Variants in FAT4 observed in about 807,000 individuals in gnomAD.
FAT4 encodes protocadherin Fat 4.
Under a neutral mutation model 303.9 loss-of-function variants are expected in FAT4, and 84 were observed. That is an observed-to-expected ratio of 0.28 (90% confidence interval 0.23 to 0.33). The LOEUF (loss-of-function observed/expected upper bound fraction) is 0.33, where lower values mean the gene tolerates loss of function less well. Ranked by LOEUF, FAT4 falls within the 10% of genes least tolerant of loss-of-function variation. The probability of loss-of-function intolerance (pLI) is 1.00; values close to 1 mark genes in which losing one functional copy is unlikely to be tolerated. For missense variants in FAT4, 6,005 were observed against 6,146.8 expected (o/e 0.98, Z 0.77); for synonymous variants, 2,307 against 2,298.8 (o/e 1.00, Z -0.10).
intron 14 of FAT4, among the ~76,000 whole-genome samples, chr4:125,477,852 T>C (rs767975653): frequency 1.6e-4 from 25 of 152,156 alleles, no homozygotes; most frequent in Middle Eastern, 3.2e-3. Context: ...TTAGGGATGT[T>C]AGAAATTACA....
rs1208239759 is a variant in FAT4, at chr4:125,476,159, C to G, written c.12214-12C>G. On this transcript the variant is annotated splice_polypyrimidine_tract_variant and intron_variant, in intron 12 of 17. Transcript: ENST00000394329. Reference sequence around the variant, plus strand: ...AACTCAAAGTTGAATGTTTCTTTCTCTTGCTTCGTAGGCAGCCTCCTTAAC... The same window carrying G: ...AACTCAAAGTTGAATGTTTCTTTCTGTTGCTTCGTAGGCAGCCTCCTTAAC... The G allele has an allele frequency of 6.4e-7, 1 of 1,561,518 alleles. No homozygotes were observed. The highest frequency in any genetic ancestry group is 8.8e-7 in the Non-Finnish European group (1 of 1,139,260).
intron 5 of FAT4, among the ~76,000 whole-genome samples, chr4:125,413,471 G>T (rs1260445009): frequency 6.6e-6 from 1 of 151,790 alleles, no homozygotes; most frequent in Non-Finnish European, 1.5e-5. Flanking sequence ...CGCTTTCAAC[G>T]ATTTACTCAA....
intron 2 of FAT4, among the ~76,000 whole-genome samples, chr4:125,361,094 A>G (rs892565282): frequency 6.6e-6 from 1 of 151,664 alleles, no homozygotes; most frequent in Non-Finnish European, 1.5e-5. Flanking sequence ...TAGCTACTGT[A>G]TGGCTAAATA....
chr4:125,336,526 G>T (rs1205502195), intron 2 of FAT4, among the ~76,000 whole-genome samples: 1 of 151,936 alleles, frequency 6.6e-6, no homozygotes, highest in Non-Finnish European at 1.5e-5. Context: ...CCAGAAGTGA[G>T]ACTTCAGAAC....
At chr4:125,480,182 C>G (rs1206786752) in intron 15 of FAT4, among the ~76,000 whole-genome samples, 1 of 151,752 alleles carries the variant, frequency 6.6e-6, no homozygotes, top group African/African-American at 2.4e-5. Context: ...TATAGTTAGG[C>G]TTTTTTTCAT....
chr4:125,482,173 A>G (rs1251996157), intron 16 of FAT4, among the ~76,000 whole-genome samples: 1 of 152,232 alleles, frequency 6.6e-6, no homozygotes, highest in Non-Finnish European at 1.5e-5. Context: ...AAGGAAAAAC[A>G]TTTTGAAATA....
Position 125,491,220 on chromosome 4 carries a change from C to T in FAT4, c.14404C>T (p.Pro4802Ser), listed in dbSNP as rs1727627190. 1 of 1,614,054 alleles carries T rather than the reference C, an allele frequency of 6.2e-7. No individual in the cohort carries two copies. The highest frequency in any genetic ancestry group is 8.5e-7 in the Non-Finnish European group (1 of 1,180,016). Reference sequence around the variant, plus strand: ...AGTGGAGAGGCTCAACACACCTCGCCCTAGAAACCCAAGTATCTGCAGTGC... The same window carrying T: ...AGTGGAGAGGCTCAACACACCTCGCTCTAGAAACCCAAGTATCTGCAGTGC... Reference protein sequence around the residue: ...EEVERLNTPRPRNPSICSADH... With the variant: ...EEVERLNTPRSRNPSICSADH... Residue 4802 changes from proline (P) to serine (S), a missense_variant, in exon 18 of 18, where the codon CCT becomes TCT. Transcript: ENST00000394329.
Position 125,316,121 on chromosome 4 carries a change from A to T in FAT4, c.-13+144A>T, listed in dbSNP as rs1730572567. Among the ~76,000 whole-genome samples the T allele has an allele frequency of 6.6e-6, 1 of 152,206 alleles. No homozygotes were observed. Among genetic ancestry groups the T allele is most frequent in the Non-Finnish European group, 1.5e-5 (1 of 68,046 alleles). ...AAAAACAAAGTAAAAGGGGGCATAT[A>T]TAAGAGGCTTGAGAAACTTTTCTGG... On this transcript the variant is annotated intron_variant, in intron 1 of 17. Coordinates refer to ENST00000394329, the MANE Select transcript of FAT4 (RefSeq NM_001291303.3). This position sits in a 1 kb window ranked among gnomAD's most constrained non-coding sequence, Gnocchi z 5.7.
At chr4:125,415,859 G>C in intron 6 of FAT4, 53 bp downstream of exon 6, 1 of 1,352,770 alleles carries the variant, frequency 7.4e-7, no homozygotes, top group Non-Finnish European at 1.0e-6. Flanking sequence ...ACATCTATTT[G>C]AAAACCTCCC....
intron 2 of FAT4, among the ~76,000 whole-genome samples, chr4:125,385,510 A>G (rs1329411868): frequency 6.6e-6 from 1 of 152,142 alleles, no homozygotes; most frequent in East Asian, 1.9e-4. Context: ...GTTTTTTTCC[A>G]TAGAACATAC....
chr4:125,334,399 T>G (rs572087335), intron 2 of FAT4, among the ~76,000 whole-genome samples: 67 of 152,094 alleles, frequency 4.4e-4, no homozygotes, highest in Non-Finnish European at 8.5e-4. Context: ...GCAAAGATCC[T>G]GGATCCACCA....
At position 125,415,140 on chromosome 4, in the gene FAT4, T is replaced by C; in HGVS notation, c.6177T>C (p.Ile2059=). The C allele has an allele frequency of 6.2e-7, 1 of 1,613,972 alleles. No individual in the cohort carries two copies. The highest frequency in any genetic ancestry group is 1.7e-5 in the Admixed American group (1 of 59,992). ...TTCTTTCCCCTAAATTGACATACATTCCAGAAAATACACCTATTGATACTG... is the reference window on the plus strand; with the variant it reads ...TTCTTTCCCCTAAATTGACATACATCCCAGAAAATACACCTATTGATACTG... ...PTFLSPKLTY[I]PENTPIDTVV... Residue 2059 remains isoleucine (I), a synonymous_variant, in exon 6 of 18, where the codon ATT becomes ATC. Coordinates refer to ENST00000394329, the MANE Select transcript of FAT4 (RefSeq NM_001291303.3).
intron 8 of FAT4, among the ~76,000 whole-genome samples, chr4:125,434,707 T>C (rs1227004479): frequency 6.6e-6 from 1 of 152,160 alleles, no homozygotes; most frequent in Non-Finnish European, 1.5e-5. Flanking sequence ...TCTCATGAGG[T>C]TGACTGGTGG....
At chr4:125,395,220 C>G (rs1350140571) in intron 2 of FAT4, among the ~76,000 whole-genome samples, 1 of 152,108 alleles carries the variant, frequency 6.6e-6, no homozygotes, top group Non-Finnish European at 1.5e-5. Flanking sequence ...TCAGTTATAT[C>G]TAAGGAACTG....
intron 2 of FAT4, among the ~76,000 whole-genome samples, chr4:125,383,589 A>G (rs1002331422): frequency 1.3e-5 from 2 of 152,256 alleles, no homozygotes; most frequent in Non-Finnish European, 2.9e-5. Flanking sequence ...AAGGGAGCAC[A>G]TGCTACTGGA....
At position 125,318,137 on chromosome 4, in the gene FAT4, A is replaced by G; in HGVS notation, c.1726A>G (p.Asn576Asp). Residue 576 changes from asparagine (N) to aspartate (D), a missense_variant, in exon 2 of 18, where the codon AAT (asparagine) becomes GAT (aspartate). Coordinates refer to ENST00000394329, the MANE Select transcript of FAT4 (RefSeq NM_001291303.3). ...GCTTGTAGTAACTCTCCTAGATGTG[A>G]ATGATGAAAAGCCAGTATTTAGCCA... ...AQLVVTLLDV[N>D]DEKPVFSQPE... 1.9e-6 allele frequency: 3 copies of G among 1,614,142 alleles called. No homozygotes were observed. The highest frequency in any genetic ancestry group is 2.5e-6 in the Non-Finnish European group (3 of 1,180,032).
At chr4:125,402,107 A>G (rs1734410037) in intron 3 of FAT4, among the ~76,000 whole-genome samples, 1 of 152,002 alleles carries the variant, frequency 6.6e-6, no homozygotes, top group South Asian at 2.1e-4. Flanking sequence ...GATTTTGAAT[A>G]TGAAAAAGAT....
At chr4:125,438,389 A>G (rs1411244585) in intron 8 of FAT4, among the ~76,000 whole-genome samples, 1 of 152,080 alleles carries the variant, frequency 6.6e-6, no homozygotes, top group East Asian at 1.9e-4. Context: ...ATACTCTCAA[A>G]CTGTTTTACA....
intron 2 of FAT4, among the ~76,000 whole-genome samples, chr4:125,397,447 T>C (rs1734229067): frequency 6.6e-6 from 1 of 152,046 alleles, no homozygotes; most frequent in African/African-American, 2.4e-5. Context: ...TGTGGGCATT[T>C]CCTTAAAGGA....
Sources: gnomAD v4.1 joint callset for allele counts (sites outside exome capture counted in the v4.1 genomes callset) on GRCh38, gnomAD v4.1.1 for gene constraint, Gnocchi (gnomAD v3.1) non-coding constraint, MANE v1.5 for transcripts, NCBI Gene and HGNC (gene_info 2026-07-23, HGNC 2026-07-21) for gene names.